SLC38A12: variants seen among roughly 807,000 people sequenced by gnomAD.
SLC38A12 encodes the protein putative sodium-coupled neutral amino acid transporter 12.
the SLC38A12 span, among the ~76,000 whole-genome samples, chr17:74,784,988 G>A: frequency 5.9e-5 from 9 of 152,156 alleles, no homozygotes; most frequent in Non-Finnish European, 1.3e-4. Context: ...AGTTGGTATG[G>A]GGAGAGGGGT....
chr17:74,779,758 G>T, the SLC38A12 span, among the ~76,000 whole-genome samples: 1 of 152,222 alleles, frequency 6.6e-6, no homozygotes, highest in African/African-American at 2.4e-5. Context: ...CAGCCCACGC[G>T]CATTTACAAG....
the SLC38A12 span, among the ~76,000 whole-genome samples, chr17:74,827,793 G>A: frequency 4.6e-5 from 7 of 152,062 alleles, no homozygotes; most frequent in Admixed American, 1.3e-4. The surrounding 1 kb of genome is among the most constrained non-coding windows in gnomAD (Gnocchi z 4.7). Flanking sequence ...TCCTTCTGCC[G>A]AGGTCAGTCC....
chr17:74,838,848 C>A, the SLC38A12 span: 3 of 1,528,366 alleles, frequency 2.0e-6, no homozygotes, highest in African/African-American at 4.1e-5. Context: ...ATCAACTTGG[C>A]AAAGTAGGCA....
At chr17:74,825,956 C>T in the SLC38A12 span, among the ~76,000 whole-genome samples, 1 of 152,190 alleles carries the variant, frequency 6.6e-6, no homozygotes, top group African/African-American at 2.4e-5. Flanking sequence ...CACCTTTCAT[C>T]TTCCTCACTC....
chr17:74,812,225 G>A, the SLC38A12 span, among the ~76,000 whole-genome samples: 3 of 151,882 alleles, frequency 2.0e-5, no homozygotes, highest in Admixed American at 6.6e-5. Context: ...TGCTTTGAGG[G>A]GTTCAGGAAC....
the SLC38A12 span, among the ~76,000 whole-genome samples, chr17:74,825,753 G>A: frequency 6.6e-6 from 1 of 152,370 alleles, no homozygotes; most frequent in East Asian, 1.9e-4. Context: ...GTGGTTGTGG[G>A]TCGAGTCTGA....
the SLC38A12 span, among the ~76,000 whole-genome samples, chr17:74,816,624 A>C: frequency 6.6e-6 from 1 of 152,254 alleles, no homozygotes; most frequent in East Asian, 1.9e-4. Context: ...CCCGGACTTT[A>C]TTCCCCATGA....
the SLC38A12 span, among the ~76,000 whole-genome samples, chr17:74,813,968 A>G: frequency 6.6e-6 from 1 of 152,190 alleles, no homozygotes; most frequent in Non-Finnish European, 1.5e-5. Flanking sequence ...GATGACGACC[A>G]GCAGCACTTG....
the SLC38A12 span, among the ~76,000 whole-genome samples, chr17:74,792,664 C>T: frequency 6.6e-6 from 1 of 152,154 alleles, no homozygotes; most frequent in South Asian, 2.1e-4. Flanking sequence ...AACTTAGAGC[C>T]GGGGGGACTG....
the SLC38A12 span, among the ~76,000 whole-genome samples, chr17:74,822,173 T>C: frequency 3.3e-5 from 5 of 152,164 alleles, no homozygotes; most frequent in Non-Finnish European, 7.4e-5. Flanking sequence ...ACCAGCTGTA[T>C]CCCTGCATCA....
At chr17:74,779,483 G>T in the SLC38A12 span, among the ~76,000 whole-genome samples, 1 of 152,176 alleles carries the variant, frequency 6.6e-6, no homozygotes, top group African/African-American at 2.4e-5. Context: ...CAAACAGGAG[G>T]TGTAGTGGTC....
the SLC38A12 span, chr17:74,795,651 G>A: frequency 1.2e-6 from 2 of 1,600,594 alleles, no homozygotes; most frequent in African/African-American, 1.3e-5. Flanking sequence ...CTGTGCCTCT[G>A]TGCCGCCTGC....
the SLC38A12 span, among the ~76,000 whole-genome samples, chr17:74,791,685 T>C: frequency 2.0e-5 from 3 of 152,224 alleles, no homozygotes; most frequent in African/African-American, 7.2e-5. Flanking sequence ...ACACCCAGGC[T>C]TGCTGAGTGA....
chr17:74,807,926 C>T, the SLC38A12 span, among the ~76,000 whole-genome samples: 3 of 152,206 alleles, frequency 2.0e-5, no homozygotes, highest in Non-Finnish European at 2.9e-5. Context: ...TGCTAGATTC[C>T]GTGGTCCTCC....
At chr17:74,814,912 G>A in the SLC38A12 span, among the ~76,000 whole-genome samples, 1 of 152,210 alleles carries the variant, frequency 6.6e-6, no homozygotes, top group African/African-American at 2.4e-5. Flanking sequence ...AAGTCAGGTG[G>A]TATCAACTGT....
At chr17:74,790,469 C>T in the SLC38A12 span, among the ~76,000 whole-genome samples, 2 of 152,200 alleles carry the variant, frequency 1.3e-5, no homozygotes. Flanking sequence ...GTCCTGGGCA[C>T]AGGCCTGGCC....
the SLC38A12 span, chr17:74,836,362 G>C: frequency 6.2e-7 from 1 of 1,612,564 alleles, no homozygotes; most frequent in African/African-American, 1.3e-5. This position sits in a 1 kb window ranked among gnomAD's most constrained non-coding sequence, Gnocchi z 4.2. Flanking sequence ...CGCGAGGGCG[G>C]CACGTACCCG....
chr17:74,837,271 G>A, the SLC38A12 span: 1 of 985,582 alleles, frequency 1.0e-6, no homozygotes, highest in Non-Finnish European at 1.2e-6. Flanking sequence ...CCCATGACAA[G>A]AACAAGAAGT....
the SLC38A12 span, among the ~76,000 whole-genome samples, chr17:74,790,786 A>AG: frequency 5.3e-5 from 8 of 152,032 alleles, no homozygotes; most frequent in African/African-American, 1.7e-4. Context: ...AAAAAAAAAA[A>AG]AAAAAAGACT....
Sources: gnomAD v4.1 joint callset for allele counts (sites outside exome capture counted in the v4.1 genomes callset) on GRCh38, gnomAD v4.1.1 for gene constraint, Gnocchi (gnomAD v3.1) non-coding constraint, MANE v1.5 for transcripts, NCBI Gene and HGNC (gene_info 2026-07-23, HGNC 2026-07-21) for gene names.